Variants in NUGGC observed in about 807,000 individuals in gnomAD.
NUGGC encodes the protein nuclear GTPase SLIP-GC.
NUGGC carries 58 observed loss-of-function variants against 92.6 expected under a neutral mutation model. That is an observed-to-expected ratio of 0.63 (90% CI 0.51 to 0.78). The LOEUF (loss-of-function observed/expected upper bound fraction) is 0.78, where lower values mean the gene tolerates loss of function less well. Ranked by LOEUF, NUGGC falls within the 30% of genes least tolerant of loss-of-function variation. NUGGC has a pLI of 0.00. For synonymous variants in NUGGC, 376 were observed against 366.4 expected, an observed-to-expected ratio of 1.03 and a Z score of -0.30; for missense variants, 925 against 964.6, an observed-to-expected ratio of 0.96 and a Z score of 0.54.
rs1296130919 is a variant in NUGGC, at chr8:28,022,476, G to A, written c.*841C>T. The A allele has an allele frequency of 1.3e-5, 2 of 150,634 alleles. No homozygotes were observed. The highest frequency in any genetic ancestry group is 2.4e-5 in the African/African-American group (1 of 41,286). The allele number at this position is 150,634 out of a possible 1,614,324, so 9.3% of individuals were successfully genotyped here. On this transcript the variant is annotated 3_prime_UTR_variant, in exon 19 of 19. Transcript: ENST00000413272. ...CCCAGCGATGTTTAGATGTTTTTGC[G>A]GAAGCAAAAGTTTCTTGCCCTAAAG...
chr8:28,045,727 A>G (rs753272880), intron 11 of NUGGC, 67 bp from the exon 12 acceptor site: 45 of 1,532,998 alleles, frequency 2.9e-5, no homozygotes, highest in Admixed American at 9.6e-5. Flanking sequence ...GAATTCATAA[A>G]AGTTGAAAGA....
chr8:28,031,691 G>A (rs915246451), intron 14 of NUGGC, among the ~76,000 whole-genome samples: 11 of 152,220 alleles, frequency 7.2e-5, no homozygotes, highest in Admixed American at 7.2e-4. Flanking sequence ...TTAACTACAG[G>A]ACTCACAGTC....
intron 12 of NUGGC, among the ~76,000 whole-genome samples, chr8:28,043,351 T>A (rs552394521): frequency 2.0e-5 from 3 of 152,342 alleles, no homozygotes; most frequent in Non-Finnish European, 4.4e-5. Context: ...ATTGCTCATT[T>A]AAAATCACTA....
chr8:28,047,985 G>A (rs751425356), intron 10 of NUGGC, among the ~76,000 whole-genome samples: 24 of 152,182 alleles, frequency 1.6e-4, no homozygotes, highest in Non-Finnish European at 3.4e-4. Context: ...CAGCCAGCTC[G>A]TACCAGCTCC....
rs745359784 is a variant in NUGGC at position 28,068,418 on chromosome 8, A to T, written c.278T>A (p.Ile93Asn). ...GATTGGGTCCACTGTCGGCTTTTCA[A>T]TCAAGGCAAGAAGCCTATTTCTGGA... ...KYLINRLLAL[I>N]EKPTVDPIYI... is the part of the protein sequence containing the mutation. The change falls in exon 5 of 19, where the codon ATT (isoleucine) becomes AAT (asparagine). Residue 93 changes from isoleucine (I) to asparagine (N), a missense_variant. Ile to Asn is a moderately radical substitution (Grantham distance 149). Transcript: ENST00000413272. 6.4e-7 allele frequency: 1 copy of T among 1,572,406 alleles called. No homozygotes were observed. Among genetic ancestry groups the T allele is most frequent in the South Asian group, 1.2e-5 (1 of 85,276 alleles).
chr8:28,069,370 T>C (rs921712413), intron 4 of NUGGC, among the ~76,000 whole-genome samples, 174 bp downstream of exon 4: 1 of 152,208 alleles, frequency 6.6e-6, no homozygotes, highest in Non-Finnish European at 1.5e-5. Flanking sequence ...CTTAGCAGAT[T>C]ACCTAACAGT....
chr8:28,065,152 CTTTTTTTT>C lies in NUGGC; in HGVS notation c.712-429_712-422del, dbSNP rs5890398. Among the ~76,000 whole-genome samples, 177 of 79,928 alleles carry C rather than the reference CTTTTTTTT, an allele frequency of 2.2e-3. 1 individual carries two copies. The highest frequency in any genetic ancestry group is 0.013 in the East Asian group (41 of 3,054). 52.4% of individuals were successfully genotyped at this position (79,928 alleles called of 152,430 possible). A position where few individuals can be genotyped will look rare whatever the true frequency, so the allele number is the denominator to read the frequency against. On this transcript the variant is annotated intron_variant, in intron 6 of 18. Coordinates refer to ENST00000413272, the MANE Select transcript of NUGGC (RefSeq NM_001010906.2). ...ACTGAAAATTGATCTGAAATTGGAT[CTTTTTTTT>C]TTTTTTTTTTTTTTTTTTGAGACAG...
At chr8:28,049,930 AC>A (rs1809946793) in intron 10 of NUGGC, among the ~76,000 whole-genome samples, 1 of 152,088 alleles carries the variant, frequency 6.6e-6, no homozygotes, top group African/African-American at 2.4e-5. Context: ...TACTAAAAAT[AC>A]AAAAAATTAG....
chr8:28,038,474 G>A (rs756516490), intron 13 of NUGGC, among the ~76,000 whole-genome samples: 169 of 152,110 alleles, frequency 1.1e-3, no homozygotes, highest in African/African-American at 5.3e-4. Flanking sequence ...CATAGGTACC[G>A]TGGTCCTCAA....
chr8:28,031,411 G>T, intron 14 of NUGGC, 30 bp from the exon 15 acceptor site: 1 of 1,608,838 alleles, frequency 6.2e-7, no homozygotes, highest in Non-Finnish European at 8.5e-7. Context: ...AAAAGTTTAA[G>T]AGAATGGTGG....
Position 28,074,376 on chromosome 8 carries a change from G to T in NUGGC, c.35C>A (p.Pro12Gln). The T allele has an allele frequency of 6.2e-7, 1 of 1,611,980 alleles. No individual in the cohort carries two copies. Among genetic ancestry groups the T allele is most frequent in the Non-Finnish European group, 8.5e-7 (1 of 1,178,214 alleles). The change falls in exon 2 of 19, where the codon CCG becomes CAG. Residue 12 changes from proline (P) to glutamine (Q), a missense_variant. Transcript: ENST00000413272. ...TACTGCAAAGATGTTACCTGGATGC[G>T]GTTCCTGGCCAAAAACATCCTTCGT... ...AETKDVFGQEPHPVEDDLYKE... is the reference protein window; with the variant it reads ...AETKDVFGQEQHPVEDDLYKE...
chr8:28,044,553 G>T (rs1343775898), intron 12 of NUGGC, among the ~76,000 whole-genome samples: 1 of 152,214 alleles, frequency 6.6e-6, no homozygotes, highest in Non-Finnish European at 1.5e-5. Context: ...TAGACATTTG[G>T]TTTTCCCGGT....
In NUGGC at chr8:28,023,146, G is replaced by A. The variant is rs907605362; in HGVS notation, c.*171C>T. On this transcript the variant is annotated 3_prime_UTR_variant, in exon 19 of 19. Coordinates refer to ENST00000413272, the MANE Select transcript of NUGGC (RefSeq NM_001010906.2). ...CCAGCTGCTCTGGAGGCTGAGGCTG[G>A]AGGATCGCTTGAGCCTAGGAGTTCG... The A allele has an allele frequency of 5.0e-5, 32 of 642,446 alleles. No individual in the cohort carries two copies. The South Asian group carries it at 7.4e-4, about 15-fold the overall frequency. The allele number at this position is 642,446 out of a possible 1,614,324, so 39.8% of individuals were successfully genotyped here.
rs373284363 is a variant in NUGGC, at chr8:28,031,342, T to C, written c.1809A>G (p.Ile603Met). The C allele has an allele frequency of 2.5e-6, 4 of 1,613,874 alleles. No homozygotes were observed. The highest frequency in any genetic ancestry group is 3.3e-4 in the Middle Eastern group (2 of 6,084). Residue 603 changes from isoleucine to methionine, a missense_variant, in exon 15 of 19, where the codon ATA becomes ATG. Coordinates refer to ENST00000413272, the MANE Select transcript of NUGGC (RefSeq NM_001010906.2). ...KPTGSALMPH[I>M]DAFKQSLQEK... ...CCTGCAGGGACTGCTTAAAAGCATC[T>C]ATGTGAGGCATCAGAGCTGAACCAG...
chr8:28,074,546 G>A (rs1175358855), intron 1 of NUGGC, 90 bp from the exon 2 acceptor site: 4 of 793,756 alleles, frequency 5.0e-6, no homozygotes, highest in South Asian at 2.9e-5. Flanking sequence ...TGCTTGTGCG[G>A]TATTTCTGCC....
chr8:28,033,290 A>T (rs1347667123), intron 14 of NUGGC, among the ~76,000 whole-genome samples: 1 of 152,208 alleles, frequency 6.6e-6, no homozygotes, highest in Non-Finnish European at 1.5e-5. Context: ...CATGTATGAG[A>T]TATTTGAAAA....
chr8:28,076,786 T>C (rs1423055791), intron 1 of NUGGC, among the ~76,000 whole-genome samples: 1 of 152,116 alleles, frequency 6.6e-6, no homozygotes, highest in African/African-American at 2.4e-5. Flanking sequence ...TTCATGGTGG[T>C]CTTCAAATGC....
In NUGGC at chr8:28,023,417, A is replaced by C. The variant is rs376205193; in HGVS notation, c.2291T>G (p.Leu764Arg). Residue 764 changes from leucine (L) to arginine (R), a missense_variant, in exon 19 of 19, where the codon CTG (leucine) becomes CGG (arginine). Transcript: ENST00000413272. ...YKEMEKLHRS[L>R]REVAENARLR... Reference sequence around the variant, plus strand: ...CCGTGCATTCTCCGCGACCTCCCTCAGGCTTCTGTGCAGCTTCTCCATCTC... The same window carrying C: ...CCGTGCATTCTCCGCGACCTCCCTCCGGCTTCTGTGCAGCTTCTCCATCTC... 3 of 1,613,814 alleles carry C rather than the reference A, an allele frequency of 1.9e-6. No individual in the cohort carries two copies. The African/African-American group carries it at 4.0e-5, about 22-fold the overall frequency.
chr8:28,082,409 T>C (rs28523991), intron 1 of NUGGC, among the ~76,000 whole-genome samples: 3,490 of 152,320 alleles, frequency 0.023, 142 homozygotes, highest in African/African-American at 0.079. Context: ...CTCCCAAGCT[T>C]GTTAAAGCTA....
Sources: allele counts gnomAD v4.1 joint callset (sites outside exome capture counted in the v4.1 genomes callset), GRCh38; gene constraint gnomAD v4.1.1; transcripts MANE v1.5; gene names NCBI Gene and HGNC (gene_info 2026-07-23, HGNC 2026-07-21).